The following NDE1 variants were observed in gnomAD, a reference collection of about 807,000 sequenced individuals.
The protein encoded by NDE1 is nuclear distribution protein nudE homolog 1.
Under a neutral mutation model 43.4 loss-of-function variants are expected in NDE1, and 28 were observed. That is an observed-to-expected ratio of 0.65 (90% CI 0.48 to 0.89). The LOEUF (loss-of-function observed/expected upper bound fraction) is 0.89. Ranked by LOEUF, NDE1 falls within the 40% of genes least tolerant of loss-of-function variation. The pLI, the probability that NDE1 is intolerant of heterozygous loss-of-function variation, is 0.00. For synonymous variants in NDE1, 184 were observed against 172.0 expected, an observed-to-expected ratio of 1.07 and a Z score of -0.55; for missense variants, 441 against 434.1, an observed-to-expected ratio of 1.02 and a Z score of -0.14.
At chr16:15,676,906 T>C (rs1032433432) in intron 3 of NDE1, among the ~76,000 whole-genome samples, 2 of 152,142 alleles carry the variant, frequency 1.3e-5, no homozygotes, top group Admixed American at 6.6e-5. Flanking sequence ...ACTGATGATA[T>C]GTGTGAAGGA....
At chr16:15,686,509 C>A in intron 4 of NDE1, 1 of 985,318 alleles carries the variant, frequency 1.0e-6, no homozygotes, top group Non-Finnish European at 1.2e-6. Context: ...ATGATCTCTT[C>A]CACCTGCTTA....
intron 8 of NDE1, chr16:15,714,625 GTGGGGATAGCCTC>G: frequency 1.8e-6 from 1 of 561,090 alleles, no homozygotes; most frequent in Non-Finnish European, 3.2e-6. Flanking sequence ...GGAGGAGACA[GTGGGGATAGCCTC>G]TTCCTCCTCC....
intron 8 of NDE1, chr16:15,718,613 G>C: frequency 1.0e-6 from 1 of 989,480 alleles, no homozygotes. Context: ...GGACAGCCGG[G>C]ACTCAGGCCG....
intron 4 of NDE1, chr16:15,686,388 A>T (rs2038441020): frequency 1.0e-6 from 1 of 985,090 alleles, no homozygotes; most frequent in Non-Finnish European, 1.2e-6. Context: ...GTTTTCTTAC[A>T]GCACTTGGCA....
Position 15,703,925 on chromosome 16 carries a change from GTT to G in NDE1, c.947+7072_947+7073del, listed in dbSNP as rs5815842. ...TTGCTTTGTTCTGGGTTGTTGTTGG[GTT>G]TTTTTTGTTTGTTTGTTTTGGTTTT... is the stretch of plus-strand genomic sequence containing the variant. On this transcript the variant is annotated intron_variant, in intron 8 of 8. Transcript: ENST00000396354. 4.4e-6 allele frequency: 7 copies of G among 1,606,350 alleles called. No individual in the cohort carries two copies. The African/African-American group carries it at 5.4e-5, about 12-fold the overall frequency.
intron 1 of NDE1, among the ~76,000 whole-genome samples, chr16:15,664,326 TTTAATCA>T: frequency 6.6e-6 from 1 of 152,252 alleles, no homozygotes; most frequent in African/African-American, 2.4e-5. Flanking sequence ...TTTGGCAGTA[TTTAATCA>T]TTTAACCCAG....
chr16:15,674,392 G>A (rs35694612), intron 3 of NDE1, among the ~76,000 whole-genome samples: 30,179 of 151,774 alleles, frequency 0.2, 3,760 homozygotes, highest in Middle Eastern at 0.34. Flanking sequence ...TATAGACAAC[G>A]CACCACCACA....
intron 4 of NDE1, chr16:15,686,492 G>A (rs1432177683): frequency 4.1e-6 from 4 of 985,256 alleles, no homozygotes; most frequent in Non-Finnish European, 4.8e-6. Context: ...CCACTGAGAG[G>A]TTAAATATGA....
chr16:15,690,353 CTTTTTTTTTTTTTTTTTTTTTT>C (rs869069843), intron 5 of NDE1, among the ~76,000 whole-genome samples: 4 of 80,950 alleles, frequency 4.9e-5, no homozygotes, highest in South Asian at 1.0e-3. Context: ...TTTTTTTTTT[CTTTTTTTTTTTTTTTTTTTTTT>C]TTTTTTGAGC....
At chr16:15,645,374 A>G (rs2036312003), upstream of NDE1, among the ~76,000 whole-genome samples, 1 of 152,188 alleles carries the variant, frequency 6.6e-6, no homozygotes, top group African/African-American at 2.4e-5. Context: ...CTCATGTCGT[A>G]ATCCCAGCAC....
At chr16:15,647,936 G>T (rs2036363496), upstream of NDE1, among the ~76,000 whole-genome samples, 1 of 151,886 alleles carries the variant, frequency 6.6e-6, no homozygotes, top group Admixed American at 6.6e-5. Context: ...CGGAGGATGA[G>T]GTGGGAGGAT....
intron 8 of NDE1, chr16:15,708,720 T>C (rs2039603718): frequency 6.4e-6 from 9 of 1,408,442 alleles, no homozygotes; most frequent in Non-Finnish European, 9.9e-7. Flanking sequence ...GGTTTAAAAA[T>C]TGGGGTGGGC....
rs1469631385 is a variant in NDE1, at chr16:15,675,147, A to ATAATTG, written c.238-2654_238-2653insTAATTG. Among the ~76,000 whole-genome samples, 7 of 152,080 alleles carry ATAATTG rather than the reference A, an allele frequency of 4.6e-5. No individual in the cohort carries two copies. The South Asian group carries it at 8.3e-4, about 18-fold the overall frequency. Reference sequence around the variant, plus strand: ...GCTCAAGGGGCAGGAGGTGGGAGGCACTTAGGACATAATTGAAACAGTTAT... The same window carrying ATAATTG: ...GCTCAAGGGGCAGGAGGTGGGAGGCATAATTGCTTAGGACATAATTGAAACAGTTAT... On this transcript the variant is annotated intron_variant, in intron 3 of 8. Transcript: ENST00000396354.
chr16:15,710,725 G>A (rs1807684066), intron 8 of NDE1, among the ~76,000 whole-genome samples: 1 of 151,688 alleles, frequency 6.6e-6, no homozygotes, highest in African/African-American at 2.4e-5. Flanking sequence ...TCTGAAGGCT[G>A]GAGTATAGAG....
In NDE1 at chr16:15,724,634, A is replaced by T; in HGVS notation, c.*383A>T. 6.2e-7 allele frequency: 1 copy of T among 1,613,824 alleles called. No homozygotes were observed. Among genetic ancestry groups the T allele is most frequent in the African/African-American group, 1.3e-5 (1 of 75,050 alleles). On this transcript the variant is annotated 3_prime_UTR_variant, in exon 9 of 9. Transcript: ENST00000396354. ...GAGGACCCATGAAGGAAGCAAGGACACGGGGCAGGCACCTGGATGTTGAGA... is the reference window on the plus strand; with the variant it reads ...GAGGACCCATGAAGGAAGCAAGGACTCGGGGCAGGCACCTGGATGTTGAGA...
At chr16:15,692,071 A>T (rs1009892422) in intron 6 of NDE1, among the ~76,000 whole-genome samples, 3 of 151,830 alleles carry the variant, frequency 2.0e-5, no homozygotes, top group Non-Finnish European at 4.4e-5. Context: ...CATGGGCAGA[A>T]AAAAAGAATC....
intron 4 of NDE1, among the ~76,000 whole-genome samples, chr16:15,680,493 A>G (rs2038120873): frequency 6.6e-6 from 1 of 152,176 alleles, no homozygotes; most frequent in African/African-American, 2.4e-5. Flanking sequence ...GGTCATTACC[A>G]GAAGTGGAAA....
chr16:15,643,782 C>CA (rs1020798083), exon 1 of NDE1: 4 of 161,172 alleles, frequency 2.5e-5, no homozygotes, highest in South Asian at 1.3e-4. Flanking sequence ...TGCAAAGACT[C>CA]AACTGGACAT....
At position 15,705,984 on chromosome 16, in the gene NDE1, C is replaced by CAAAAAAAAAAAAAAAAA. The variant is rs57451847; in HGVS notation, c.947+9129_947+9145dup. Among the ~76,000 whole-genome samples the CAAAAAAAAAAAAAAAAA allele has an allele frequency of 2.8e-3, 158 of 56,744 alleles. 24 individuals are homozygous for CAAAAAAAAAAAAAAAAA. The highest frequency in any genetic ancestry group is 0.012 in the African/African-American group (108 of 8,898). 37.2% of individuals were successfully genotyped at this position (56,744 alleles called of 152,430 possible). A position where few individuals can be genotyped will look rare whatever the true frequency, so the allele number is the denominator to read the frequency against. ...TAGGCGACAGGGTGAGACTCCGTCT[C>CAAAAAAAAAAAAAAAAA]AAAAAAAAAAAAAAAAAAAAATCAA... On this transcript the variant is annotated intron_variant, in intron 8 of 8. Coordinates refer to ENST00000396354, the MANE Select transcript of NDE1 (RefSeq NM_017668.3).
Sources: allele counts gnomAD v4.1 joint callset (sites outside exome capture counted in the v4.1 genomes callset), GRCh38; gene constraint gnomAD v4.1.1; transcripts MANE v1.5; gene names NCBI Gene and HGNC (gene_info 2026-07-23, HGNC 2026-07-21).